The following PCDH9 variants were observed in gnomAD, a reference collection of about 807,000 sequenced individuals.
PCDH9 encodes protocadherin 9, also known as protocadherin-9.
Under a neutral mutation model 70.6 loss-of-function variants are expected in PCDH9, and 24 were observed. That is an observed-to-expected ratio of 0.34 (90% CI 0.25 to 0.48). The LOEUF is 0.48. PCDH9 is among the 20% of genes least tolerant of loss of function. The probability of loss-of-function intolerance (pLI) is 0.99; values close to 1 mark genes in which losing one functional copy is unlikely to be tolerated. For synonymous variants in PCDH9, 562 were observed against 558.5 expected (o/e 1.01, Z -0.09); for missense variants, 1,281 against 1,503.6 (o/e 0.85, Z 2.45).
chr13:66,667,987 TC>T (rs1246650162), intron 3 of PCDH9, among the ~76,000 whole-genome samples: 2 of 152,228 alleles, frequency 1.3e-5, no homozygotes, highest in Non-Finnish European at 2.9e-5. Flanking sequence ...ATTATGTATT[TC>T]TTTGCACATC....
intron 4 of PCDH9, among the ~76,000 whole-genome samples, chr13:66,418,569 T>A (rs1957503434): frequency 6.6e-6 from 1 of 152,128 alleles, no homozygotes; most frequent in Non-Finnish European, 1.5e-5. Flanking sequence ...TATACTAGAA[T>A]CTCTGGGACA....
At chr13:67,036,250 A>G (rs2085006898) in intron 2 of PCDH9, among the ~76,000 whole-genome samples, 2 of 152,202 alleles carry the variant, frequency 1.3e-5, no homozygotes, top group African/African-American at 2.4e-5. Context: ...TTTTAGGTAC[A>G]GTGAGGTTGG....
chr13:66,366,237 T>G (rs1956552796), intron 4 of PCDH9, among the ~76,000 whole-genome samples: 1 of 152,074 alleles, frequency 6.6e-6, no homozygotes, highest in Non-Finnish European at 1.5e-5. Context: ...CCCCAAATGC[T>G]ATTATTCTCA....
chr13:67,177,491 C>A (rs1040835632), intron 2 of PCDH9, among the ~76,000 whole-genome samples: 3 of 152,066 alleles, frequency 2.0e-5, no homozygotes, highest in Non-Finnish European at 4.4e-5. Context: ...ATCTTGACAG[C>A]TTTTGACACT....
At chr13:67,122,154 C>T (rs1452620112) in intron 2 of PCDH9, among the ~76,000 whole-genome samples, 1 of 152,158 alleles carries the variant, frequency 6.6e-6, no homozygotes, top group Non-Finnish European at 1.5e-5. Context: ...AAGCTGTAAG[C>T]ATTCTCCTCA....
chr13:67,195,915 C>G (rs2089051850), intron 2 of PCDH9, among the ~76,000 whole-genome samples: 3 of 152,002 alleles, frequency 2.0e-5, no homozygotes, highest in Admixed American at 1.3e-4. Flanking sequence ...AATGGTTGCT[C>G]GACTTGATAT....
intron 4 of PCDH9, among the ~76,000 whole-genome samples, chr13:66,598,432 T>C (rs1259564155): frequency 6.6e-6 from 1 of 151,894 alleles, no homozygotes; most frequent in East Asian, 1.9e-4. Context: ...TTTAAGATTA[T>C]GCTTAAGAAA....
chr13:67,192,979 C>T (rs186862622), intron 2 of PCDH9, among the ~76,000 whole-genome samples: 1 of 152,258 alleles, frequency 6.6e-6, no homozygotes, highest in African/African-American at 2.4e-5. Flanking sequence ...CACCTTAGTC[C>T]TGTTGCTTCT....
chr13:66,613,035 C>T (rs1339950385), intron 4 of PCDH9, among the ~76,000 whole-genome samples: 10 of 152,136 alleles, frequency 6.6e-5, no homozygotes, highest in Non-Finnish European at 1.5e-5. Flanking sequence ...GCTTCTAAGC[C>T]TTTTCATCCT....
At chr13:66,689,618 A>G (rs568654436) in intron 3 of PCDH9, among the ~76,000 whole-genome samples, 33 of 152,268 alleles carry the variant, frequency 2.2e-4, no homozygotes, top group African/African-American at 6.5e-4. Flanking sequence ...CTCTCTCCCA[A>G]TGAATTTCCA....
At chr13:66,645,261 C>T (rs1279737529) in intron 3 of PCDH9, among the ~76,000 whole-genome samples, 2 of 151,888 alleles carry the variant, frequency 1.3e-5, no homozygotes, top group Admixed American at 6.6e-5. Context: ...ATCTTATGAC[C>T]CCTTCCTCCT....
At chr13:66,509,718 G>C (rs564688225) in intron 4 of PCDH9, among the ~76,000 whole-genome samples, 1 of 152,056 alleles carries the variant, frequency 6.6e-6, no homozygotes, top group Non-Finnish European at 1.5e-5. Context: ...CTCCCAAAGC[G>C]CTGGGACTGC....
rs1432568427 is a variant in PCDH9 at position 66,848,135 on chromosome 13, G to A, written c.3138+55369C>T. Among the ~76,000 whole-genome samples the A allele has an allele frequency of 2.0e-5, 3 of 152,012 alleles. No individual in the cohort carries two copies. In the East Asian group the frequency reaches 5.8e-4, roughly 29 times the overall value. On this transcript the variant is annotated intron_variant, in intron 3 of 4. Coordinates refer to ENST00000377865, the MANE Select transcript of PCDH9 (RefSeq NM_203487.3). ...CATGCCTAAAAAGCAAGTAATATTT[G>A]AATAAAAGATGTATTGCTTTTACTT...
intron 3 of PCDH9, among the ~76,000 whole-genome samples, chr13:66,741,897 C>T (rs1168725001): frequency 3.4e-5 from 5 of 148,466 alleles, no homozygotes; most frequent in South Asian, 2.1e-4. Flanking sequence ...GAATCAATAT[C>T]GTGAAAACGG....
At chr13:66,773,939 G>A (rs765034695) in intron 3 of PCDH9, among the ~76,000 whole-genome samples, 19 of 151,502 alleles carry the variant, frequency 1.3e-4, no homozygotes, top group Non-Finnish European at 2.4e-4. Flanking sequence ...CACCAAGCCC[G>A]GCTAATTTTT....
chr13:66,714,881 G>A (rs1047181275), intron 3 of PCDH9, among the ~76,000 whole-genome samples: 1 of 152,042 alleles, frequency 6.6e-6, no homozygotes, highest in South Asian at 2.1e-4. Flanking sequence ...ATAACTCATT[G>A]TTACTACCTC....
At chr13:66,992,370 C>A (rs2084020769) in intron 2 of PCDH9, among the ~76,000 whole-genome samples, 1 of 152,124 alleles carries the variant, frequency 6.6e-6, no homozygotes, top group Admixed American at 6.6e-5. Context: ...AAATCACCCC[C>A]TCCAGCGGAA....
intron 2 of PCDH9, among the ~76,000 whole-genome samples, chr13:67,119,156 CAA>C (rs1239283478): frequency 6.6e-6 from 1 of 152,178 alleles, no homozygotes; most frequent in African/African-American, 2.4e-5. Context: ...TAAAGCCTTA[CAA>C]TGTTTAGAAG....
At chr13:66,503,220 T>C (rs962805481) in intron 4 of PCDH9, among the ~76,000 whole-genome samples, 8 of 152,344 alleles carry the variant, frequency 5.3e-5, no homozygotes, top group African/African-American at 1.9e-4. Context: ...TCTTAAGCGA[T>C]AGAATAACTG....
Sources: allele counts gnomAD v4.1 joint callset (sites outside exome capture counted in the v4.1 genomes callset), GRCh38; gene constraint gnomAD v4.1.1; transcripts MANE v1.5; gene names NCBI Gene and HGNC (gene_info 2026-07-23, HGNC 2026-07-21).